ENTREP2: variants seen among roughly 807,000 people sequenced by gnomAD.
ENTREP2 encodes the protein protein ENTREP2.
At chr15:29,196,832 T>C in the ENTREP2 span, 1 of 372,310 alleles carries the variant, frequency 2.7e-6, no homozygotes, top group Non-Finnish European at 4.9e-6. Flanking sequence ...GCAGGTGGAT[T>C]ACAAAATGAG....
the ENTREP2 span, among the ~76,000 whole-genome samples, chr15:29,149,217 A>C: frequency 1.3e-5 from 2 of 152,132 alleles, no homozygotes; most frequent in Non-Finnish European, 2.9e-5. Flanking sequence ...TAGTTGTCTC[A>C]CTTGCATCTA....
chr15:29,312,289 G>A, the ENTREP2 span, among the ~76,000 whole-genome samples: 92 of 151,252 alleles, frequency 6.1e-4, no homozygotes, highest in African/African-American at 2.2e-3. Context: ...ATATGTTTAT[G>A]TACTCACATG....
the ENTREP2 span, among the ~76,000 whole-genome samples, chr15:29,394,343 C>T: frequency 6.6e-6 from 1 of 152,010 alleles, no homozygotes; most frequent in African/African-American, 2.4e-5. Flanking sequence ...GAAACAATGT[C>T]ATTGAACTAT....
the ENTREP2 span, among the ~76,000 whole-genome samples, chr15:29,335,208 G>T: frequency 3.6e-3 from 546 of 152,248 alleles, 4 homozygotes; most frequent in African/African-American, 0.013. Flanking sequence ...ATAGATAACT[G>T]GAGCACACTT....
At chr15:29,324,925 C>T in the ENTREP2 span, among the ~76,000 whole-genome samples, 70,165 of 152,048 alleles carry the variant, frequency 0.46, 18,839 homozygotes, top group African/African-American at 0.76. Context: ...TTCACCAAGA[C>T]TGACCACATT....
chr15:29,378,191 C>A, the ENTREP2 span, among the ~76,000 whole-genome samples: 1 of 141,416 alleles, frequency 7.1e-6, no homozygotes, highest in African/African-American at 2.9e-5. Flanking sequence ...TAAAAAAACT[C>A]TTTTGAACTT....
At chr15:29,478,876 CAAAAAAAATT>C in the ENTREP2 span, among the ~76,000 whole-genome samples, 1 of 140,024 alleles carries the variant, frequency 7.1e-6, no homozygotes, top group Non-Finnish European at 1.5e-5. Context: ...GACTCTGTCT[CAAAAAAAATT>C]GAAAATAATA....
chr15:29,321,477 A>T, the ENTREP2 span, among the ~76,000 whole-genome samples: 1 of 151,940 alleles, frequency 6.6e-6, no homozygotes, highest in Non-Finnish European at 1.5e-5. Flanking sequence ...GTGGAATCCC[A>T]TCTCAACAAA....
the ENTREP2 span, among the ~76,000 whole-genome samples, chr15:29,242,926 G>A: frequency 6.6e-6 from 1 of 152,128 alleles, no homozygotes; most frequent in Non-Finnish European, 1.5e-5. Context: ...AGCGTGCAGG[G>A]GCAGCCTGAA....
the ENTREP2 span, among the ~76,000 whole-genome samples, chr15:29,541,949 C>T: frequency 3.9e-5 from 6 of 152,196 alleles, no homozygotes; most frequent in Admixed American, 2.0e-4. Flanking sequence ...AGTTGGTCCT[C>T]CTGTTTTGGC....
chr15:29,313,610 A>T, the ENTREP2 span, among the ~76,000 whole-genome samples: 1 of 152,240 alleles, frequency 6.6e-6, no homozygotes, highest in South Asian at 2.1e-4. Context: ...TCAGAAAAAA[A>T]ATATGCCTTT....
the ENTREP2 span, among the ~76,000 whole-genome samples, chr15:29,286,922 TG>T: frequency 1.3e-4 from 20 of 152,210 alleles, no homozygotes; most frequent in African/African-American, 4.8e-4. Context: ...ATTATGTTTT[TG>T]TTTAGAAGTT....
chr15:29,321,722 G>C, the ENTREP2 span, among the ~76,000 whole-genome samples: 2 of 151,382 alleles, frequency 1.3e-5, no homozygotes, highest in Admixed American at 1.3e-4. Context: ...TGCAGGAAAT[G>C]TGTCACCAGC....
chr15:29,546,213 C>T, the ENTREP2 span, among the ~76,000 whole-genome samples: 3 of 152,126 alleles, frequency 2.0e-5, no homozygotes, highest in African/African-American at 7.2e-5. Flanking sequence ...AAAGCCCTAC[C>T]CTGTGACACT....
chr15:29,458,187 C>T, the ENTREP2 span, among the ~76,000 whole-genome samples: 1 of 152,090 alleles, frequency 6.6e-6, no homozygotes, highest in East Asian at 1.9e-4. Context: ...CCAGGAGCAC[C>T]GATGTCCGAA....
the ENTREP2 span, among the ~76,000 whole-genome samples, chr15:29,285,438 T>A: frequency 6.6e-6 from 1 of 152,182 alleles, no homozygotes; most frequent in East Asian, 1.9e-4. Flanking sequence ...GAGAATACTA[T>A]ATACAGCCTT....
chr15:29,177,802 G>C, the ENTREP2 span, among the ~76,000 whole-genome samples: 1 of 151,668 alleles, frequency 6.6e-6, no homozygotes, highest in South Asian at 2.1e-4. Context: ...GTGTTACTGG[G>C]AGAGGGAAGG....
At chr15:29,467,493 C>T in the ENTREP2 span, among the ~76,000 whole-genome samples, 80 of 152,218 alleles carry the variant, frequency 5.3e-4, 1 homozygote, top group Non-Finnish European at 1.0e-4. Context: ...GCCAAGGAAA[C>T]GGCCACCTGA....
chr15:29,139,705 C>A, the ENTREP2 span, among the ~76,000 whole-genome samples: 1 of 152,194 alleles, frequency 6.6e-6, no homozygotes, highest in Non-Finnish European at 1.5e-5. Context: ...GCTGCATCTG[C>A]TCCGGGTCGC....
Sources: allele counts gnomAD v4.1 joint callset (sites outside exome capture counted in the v4.1 genomes callset), GRCh38; gene constraint gnomAD v4.1.1; transcripts MANE v1.5; gene names NCBI Gene and HGNC (gene_info 2026-07-23, HGNC 2026-07-21).